OTUD7A: variants seen among roughly 807,000 people sequenced by gnomAD.
OTUD7A encodes OTU domain-containing protein 7A.
Under a neutral mutation model 65.7 loss-of-function variants are expected in OTUD7A, and 12 were observed. The ratio of observed to expected loss-of-function variants is 0.18; its 90% CI spans 0.12 to 0.30. The LOEUF (loss-of-function observed/expected upper bound fraction) is 0.30. Among genes scored for constraint, OTUD7A ranks in the 10% least tolerant of loss-of-function variants. OTUD7A has a pLI of 1.00. For missense variants in OTUD7A, 1,148 were observed against 1,304.8 expected (o/e 0.88, Z 1.85); for synonymous variants, 641 against 586.3 (o/e 1.09, Z -1.35).
In OTUD7A at chr15:31,717,124, C is replaced by T. The variant is rs572690239; in HGVS notation, c.-99-60047G>A. Among the ~76,000 whole-genome samples, 6 of 152,272 alleles carry T rather than the reference C, an allele frequency of 3.9e-5. No homozygotes were observed. In the South Asian group the frequency reaches 1.2e-3, roughly 32 times the overall value. Reference sequence around the variant, plus strand: ...GTTTCATCCATTGTCCCAACAATGTCCTTTGTAACAAAATGGTTGTTTTCT... The same window carrying T: ...GTTTCATCCATTGTCCCAACAATGTTCTTTGTAACAAAATGGTTGTTTTCT... On this transcript the variant is annotated intron_variant, in intron 1 of 12. Coordinates refer to ENST00000307050, the MANE Select transcript of OTUD7A (RefSeq NM_001382637.1).
chr15:31,564,950 GAGAC>G lies in OTUD7A; in HGVS notation c.331+5064_331+5067del, dbSNP rs922137453. Among the ~76,000 whole-genome samples the G allele has an allele frequency of 2.6e-5, 4 of 152,078 alleles. No individual in the cohort carries two copies. In the East Asian group the frequency reaches 7.7e-4, roughly 29 times the overall value. ...CCATTATATCAAATGGCTTGACAAA[GAGAC>G]AGCCTATATATTGGTCAAAAAACAC... is the stretch of plus-strand genomic sequence containing the variant. On this transcript the variant is annotated intron_variant, in intron 4 of 12. Transcript: ENST00000307050.
chr15:31,736,590 T>A lies in OTUD7A; in HGVS notation c.-99-79513A>T, dbSNP rs59825052. On this transcript the variant is annotated intron_variant, in intron 1 of 12. Coordinates refer to ENST00000307050, the MANE Select transcript of OTUD7A (RefSeq NM_001382637.1). Reference sequence around the variant, plus strand: ...ACTGAAGCTGTGCCGACCAATGCACTATGAGATCAATGTATGTTCCAGGTG... The same window carrying A: ...ACTGAAGCTGTGCCGACCAATGCACAATGAGATCAATGTATGTTCCAGGTG... Among the ~76,000 whole-genome samples the A allele has an allele frequency of 1.9e-3, 289 of 152,238 alleles. 1 individual carries two copies. The highest frequency in any genetic ancestry group is 6.8e-3 in the African/African-American group (283 of 41,538).
At chr15:31,843,040 C>G (rs1310234340) in intron 1 of OTUD7A, among the ~76,000 whole-genome samples, 1 of 152,044 alleles carries the variant, frequency 6.6e-6, no homozygotes, top group Non-Finnish European at 1.5e-5. Flanking sequence ...TATGCAGACC[C>G]TAGTCCCCAT....
chr15:31,616,107 G>A (rs1234678321), intron 3 of OTUD7A, among the ~76,000 whole-genome samples: 2 of 152,246 alleles, frequency 1.3e-5, no homozygotes, highest in Admixed American at 6.5e-5. Flanking sequence ...GCGCAGAACA[G>A]GCTCCCCAGC....
chr15:31,580,703 T>C (rs1889346240), intron 3 of OTUD7A, among the ~76,000 whole-genome samples: 1 of 152,186 alleles, frequency 6.6e-6, no homozygotes, highest in African/African-American at 2.4e-5. Context: ...CACATTTATA[T>C]AACCATCAGA....
At chr15:31,631,206 T>A (rs999277872) in intron 3 of OTUD7A, among the ~76,000 whole-genome samples, 2 of 152,250 alleles carry the variant, frequency 1.3e-5, no homozygotes, top group South Asian at 4.1e-4. Flanking sequence ...CATTTTGGCA[T>A]GTTTTTGCAG....
chr15:31,813,379 T>A lies in OTUD7A; in HGVS notation c.-100+57128A>T, dbSNP rs1595787252. Among the ~76,000 whole-genome samples the A allele has an allele frequency of 2.0e-5, 3 of 152,290 alleles. No individual in the cohort carries two copies. The South Asian group carries it at 6.2e-4, about 32-fold the overall frequency. Reference sequence around the variant, plus strand: ...AAGGAAGTAATTATGTAAAGTGTCTTAGGTCACGATGATTTACTGCATGAC... The same window carrying A: ...AAGGAAGTAATTATGTAAAGTGTCTAAGGTCACGATGATTTACTGCATGAC... On this transcript the variant is annotated intron_variant, in intron 1 of 12. Transcript: ENST00000307050.
chr15:31,538,279 A>G (rs35633394), intron 5 of OTUD7A, among the ~76,000 whole-genome samples: 26,843 of 152,098 alleles, frequency 0.18, 2,463 homozygotes, highest in Non-Finnish European at 0.2. Flanking sequence ...GCAGGGTGCT[A>G]TGTGTGCCTG....
intron 3 of OTUD7A, among the ~76,000 whole-genome samples, chr15:31,585,539 G>A (rs752212521): frequency 5.9e-5 from 9 of 152,150 alleles, no homozygotes; most frequent in East Asian, 1.9e-4. Flanking sequence ...AGCACAGTGC[G>A]TCCCCACCCG....
At chr15:31,723,619 G>C (rs1893808350) in intron 1 of OTUD7A, among the ~76,000 whole-genome samples, 1 of 101,430 alleles carries the variant, frequency 9.9e-6, no homozygotes, top group African/African-American at 4.0e-5. Flanking sequence ...GAGAGAGCTA[G>C]TTCATTTCCC....
At chr15:31,547,912 A>C (rs1002266522) in intron 5 of OTUD7A, among the ~76,000 whole-genome samples, 1 of 152,202 alleles carries the variant, frequency 6.6e-6, no homozygotes, top group Non-Finnish European at 1.5e-5. Flanking sequence ...TGTTTGCCCT[A>C]AAAAGAAGGT....
intron 10 of OTUD7A, among the ~76,000 whole-genome samples, chr15:31,495,923 T>C (rs1273499087): frequency 2.0e-5 from 3 of 151,894 alleles, no homozygotes; most frequent in Non-Finnish European, 4.4e-5. Context: ...GAAAGTTAGC[T>C]GGGCTTGTGG....
In OTUD7A at chr15:31,479,915, A is replaced by G. The variant is rs1340704109; in HGVS notation, c.*3379T>C. ...AGGTCCACAGTAATTTAGTGAATAC[A>G]AAGTATTCATTTAAGAGGAAAGGTG... On this transcript the variant is annotated 3_prime_UTR_variant, in exon 13 of 13. Transcript: ENST00000307050. 1 of 152,270 alleles carries G rather than the reference A, an allele frequency of 6.6e-6. No homozygotes were observed. The highest frequency in any genetic ancestry group is 2.4e-5 in the African/African-American group (1 of 41,470). The allele number at this position is 152,270 out of a possible 1,614,324, so 9.4% of individuals were successfully genotyped here. A position where few individuals can be genotyped will look rare whatever the true frequency, so the allele number is the denominator to read the frequency against.
At chr15:31,651,980 C>A in intron 3 of OTUD7A, among the ~76,000 whole-genome samples, 1 of 137,112 alleles carries the variant, frequency 7.3e-6, no homozygotes, top group Non-Finnish European at 1.5e-5. Context: ...TAAGCAGATC[C>A]TAAAGTTCAC....
At chr15:31,583,991 CAG>C (rs1366893157) in intron 3 of OTUD7A, among the ~76,000 whole-genome samples, 3 of 152,152 alleles carry the variant, frequency 2.0e-5, no homozygotes, top group Admixed American at 1.3e-4. Context: ...TCCAGGAAAA[CAG>C]AGCACAGAGA....
intron 3 of OTUD7A, among the ~76,000 whole-genome samples, chr15:31,621,347 G>C (rs556110601): frequency 6.6e-6 from 1 of 152,160 alleles, no homozygotes; most frequent in East Asian, 1.9e-4. Flanking sequence ...TCGTTGATCT[G>C]TCTATCGTTG....
chr15:31,659,076 T>TA (rs1555405833), intron 1 of OTUD7A, among the ~76,000 whole-genome samples: 41 of 131,776 alleles, frequency 3.1e-4, no homozygotes, highest in African/African-American at 8.1e-4. Flanking sequence ...AATAAATAAA[T>TA]AAATAAAATA....
chr15:31,686,903 A>G (rs1329954123), intron 1 of OTUD7A, among the ~76,000 whole-genome samples: 1 of 152,230 alleles, frequency 6.6e-6, no homozygotes, highest in Non-Finnish European at 1.5e-5. Flanking sequence ...TAACCTTTTC[A>G]GAGGAAGTAT....
chr15:31,642,883 T>C (rs557598248), intron 3 of OTUD7A, among the ~76,000 whole-genome samples: 1 of 152,248 alleles, frequency 6.6e-6, no homozygotes, highest in South Asian at 2.1e-4. Context: ...ATTTCACTGT[T>C]TTTTGTTCTG....
Sources: gnomAD v4.1 joint callset for allele counts (sites outside exome capture counted in the v4.1 genomes callset) on GRCh38, gnomAD v4.1.1 for gene constraint, MANE v1.5 for transcripts, NCBI Gene and HGNC (gene_info 2026-07-23, HGNC 2026-07-21) for gene names.